Variants in RNGTT observed in about 807,000 individuals in gnomAD.
RNGTT encodes the protein mRNA-capping enzyme.
Under a neutral mutation model 79.3 loss-of-function variants are expected in RNGTT, and 33 were observed. That is an observed-to-expected ratio of 0.42 (90% CI 0.32 to 0.56). The LOEUF (loss-of-function observed/expected upper bound fraction) is 0.56, where lower values mean the gene tolerates loss of function less well. RNGTT is among the 20% of genes least tolerant of loss of function. The pLI is 0.17. For synonymous variants in RNGTT, 222 were observed against 235.9 expected, an observed-to-expected ratio of 0.94 and a Z score of 0.54; for missense variants, 497 against 739.1, an observed-to-expected ratio of 0.67 and a Z score of 3.80.
At chr6:88,772,843 A>G (rs547691496) in intron 12 of RNGTT, among the ~76,000 whole-genome samples, 30 of 151,858 alleles carry the variant, frequency 2.0e-4, no homozygotes, top group African/African-American at 4.1e-4. Flanking sequence ...AGGATGTGGA[A>G]AAATAGGAAC....
intron 13 of RNGTT, among the ~76,000 whole-genome samples, chr6:88,698,289 A>ATATGATATATATATT (rs1562202453): frequency 1.6e-5 from 2 of 124,518 alleles, no homozygotes; most frequent in African/African-American, 3.9e-5. Context: ...TTTCATATAT[A>ATATGATATATATATT]TCATATATAT....
chr6:88,813,244 T>C (rs1294803285), intron 11 of RNGTT, among the ~76,000 whole-genome samples: 2 of 152,122 alleles, frequency 1.3e-5, no homozygotes, highest in Non-Finnish European at 2.9e-5. Flanking sequence ...ACAGATCAAA[T>C]TTCCACCACA....
intron 4 of RNGTT, among the ~76,000 whole-genome samples, chr6:88,924,727 A>ATTTT (rs11459283): frequency 1.4e-5 from 2 of 138,124 alleles, no homozygotes; most frequent in Non-Finnish European, 1.6e-5. Context: ...CTCCTCTCCA[A>ATTTT]TTTTTTTTTT....
At chr6:88,905,142 AAT>A (rs1318655504) in intron 5 of RNGTT, among the ~76,000 whole-genome samples, 187 bp from the exon 6 acceptor site, 1 of 152,206 alleles carries the variant, frequency 6.6e-6, no homozygotes, top group Non-Finnish European at 1.5e-5. Flanking sequence ...AAAAGGTTTT[AAT>A]ATAAGGTATT....
chr6:88,926,947 G>T (rs916006034), intron 4 of RNGTT, among the ~76,000 whole-genome samples: 3 of 152,086 alleles, frequency 2.0e-5, no homozygotes, highest in Admixed American at 1.3e-4. Context: ...GAAAGTTGCT[G>T]ATGTTTTCTT....
chr6:88,646,367 A>G (rs1359601853), intron 14 of RNGTT, among the ~76,000 whole-genome samples: 1 of 152,212 alleles, frequency 6.6e-6, no homozygotes, highest in Non-Finnish European at 1.5e-5. Flanking sequence ...GGATGTGGAG[A>G]AACAGGAACA....
intron 11 of RNGTT, among the ~76,000 whole-genome samples, chr6:88,832,713 C>T (rs960588462): frequency 6.6e-6 from 1 of 152,070 alleles, no homozygotes. Context: ...CCAGAATCTA[C>T]AAGTAACTTA....
chr6:88,762,482 G>A (rs1179710519), intron 13 of RNGTT, among the ~76,000 whole-genome samples: 7 of 152,118 alleles, frequency 4.6e-5, no homozygotes, highest in Non-Finnish European at 2.9e-5. Context: ...TGTCTTTAAC[G>A]AAACCAATCA....
chr6:88,899,878 A>AT (rs1554229190), intron 6 of RNGTT, among the ~76,000 whole-genome samples: 2 of 152,190 alleles, frequency 1.3e-5, no homozygotes, highest in Non-Finnish European at 2.9e-5. Flanking sequence ...AAGGAGTCCA[A>AT]TTTAATTCCC....
At position 88,899,996 on chromosome 6, in the gene RNGTT, A is replaced by C. The variant is rs546249904; in HGVS notation, c.684+4719T>G. ...TTTCTAACAGCTCAATCCTTAATTA[A>C]GATATTCTGCTCCTAATTCTCTGTA... On this transcript the variant is annotated intron_variant, in intron 6 of 15. Transcript: ENST00000369485. Among the ~76,000 whole-genome samples the C allele has an allele frequency of 1.6e-4, 24 of 152,332 alleles. 1 individual carries two copies. In the South Asian group the frequency reaches 4.8e-3, roughly 30 times the overall value.
At chr6:88,823,044 C>T (rs7756970) in intron 11 of RNGTT, among the ~76,000 whole-genome samples, 2,957 of 152,192 alleles carry the variant, frequency 0.019, 87 homozygotes, top group African/African-American at 0.067. Flanking sequence ...GGTTTCTTTA[C>T]GCAAGACACA....
intron 14 of RNGTT, among the ~76,000 whole-genome samples, chr6:88,665,955 C>T (rs1774391198): frequency 6.6e-6 from 1 of 152,216 alleles, no homozygotes; most frequent in Admixed American, 6.5e-5. Context: ...GATTTACTAT[C>T]CGACAGCGGG....
At chr6:88,636,752 C>T (rs1401878682) in intron 14 of RNGTT, among the ~76,000 whole-genome samples, 3 of 151,356 alleles carry the variant, frequency 2.0e-5, no homozygotes, top group African/African-American at 7.3e-5. Flanking sequence ...CCAAATCTCA[C>T]CTCCAATCCT....
chr6:88,812,081 T>C (rs1780157387), intron 11 of RNGTT, among the ~76,000 whole-genome samples: 1 of 152,214 alleles, frequency 6.6e-6, no homozygotes. Flanking sequence ...TCCTTCTTGC[T>C]CATCACAAAG....
intron 11 of RNGTT, among the ~76,000 whole-genome samples, chr6:88,819,326 T>G (rs1780426697): frequency 6.6e-6 from 1 of 151,796 alleles, no homozygotes; most frequent in South Asian, 2.1e-4. Flanking sequence ...ACAGATACAG[T>G]AACAGGAAAG....
chr6:88,814,474 C>A (rs748842744), intron 11 of RNGTT, among the ~76,000 whole-genome samples: 59 of 152,136 alleles, frequency 3.9e-4, no homozygotes, highest in Non-Finnish European at 8.1e-4. Context: ...CCTGGGAAAA[C>A]TCTCCTGAAT....
intron 4 of RNGTT, among the ~76,000 whole-genome samples, chr6:88,908,586 T>C (rs1783732357): frequency 6.6e-6 from 1 of 152,144 alleles, no homozygotes; most frequent in Non-Finnish European, 1.5e-5. Context: ...AAGGGAGGGC[T>C]GAGTAAAGGA....
intron 13 of RNGTT, among the ~76,000 whole-genome samples, chr6:88,762,768 G>A (rs1316597418): frequency 6.6e-6 from 1 of 152,116 alleles, no homozygotes; most frequent in Admixed American, 6.6e-5. Flanking sequence ...CACGAGGTAG[G>A]CACTATTATC....
At chr6:88,817,775 T>TTTTA (rs2127877052) in intron 11 of RNGTT, among the ~76,000 whole-genome samples, 1 of 145,492 alleles carries the variant, frequency 6.9e-6, no homozygotes, top group Non-Finnish European at 1.5e-5. Flanking sequence ...TTTTTTTTTT[T>TTTTA]TTGAGACGGA....
Sources: allele counts gnomAD v4.1 joint callset (sites outside exome capture counted in the v4.1 genomes callset), GRCh38; gene constraint gnomAD v4.1.1; transcripts MANE v1.5; gene names NCBI Gene and HGNC (gene_info 2026-07-23, HGNC 2026-07-21).